The following BLZF1 variants were observed in gnomAD, a reference collection of about 807,000 sequenced individuals.
BLZF1 encodes the protein golgin-45.
A neutral mutation model predicts 43.8 loss-of-function variants in BLZF1; 39 were observed. The ratio of observed to expected loss-of-function variants is 0.89; its 90% CI spans 0.69 to 1.16. BLZF1 has a LOEUF of 1.16. Ranked by LOEUF, BLZF1 falls within the 50% of genes most tolerant of loss-of-function variation. The probability of loss-of-function intolerance (pLI) is 0.00; values close to 1 mark genes in which losing one functional copy is unlikely to be tolerated. For synonymous variants in BLZF1, 136 were observed against 159.4 expected (o/e 0.85, Z 1.11); for missense variants, 449 against 469.8 (o/e 0.96, Z 0.41).
intron 5 of BLZF1, among the ~76,000 whole-genome samples, chr1:169,381,201 G>A (rs568464464): frequency 6.6e-6 from 1 of 151,796 alleles, no homozygotes; most frequent in Admixed American, 6.6e-5. Flanking sequence ...ATGAAGGGGG[G>A]GGTACAATAT....
intron 6 of BLZF1, among the ~76,000 whole-genome samples, chr1:169,384,279 T>C (rs1418045010): frequency 6.6e-6 from 1 of 152,182 alleles, no homozygotes; most frequent in Non-Finnish European, 1.5e-5. Context: ...CTAGTCCTGT[T>C]GATTTTACAG....
chr1:169,394,139 G>A (rs1654892127), intron 7 of BLZF1, among the ~76,000 whole-genome samples: 1 of 152,114 alleles, frequency 6.6e-6, no homozygotes, highest in Non-Finnish European at 1.5e-5. Flanking sequence ...CAGTCTATGT[G>A]AACAAAATAT....
chr1:169,368,754 G>A (rs956823755), intron 1 of BLZF1, among the ~76,000 whole-genome samples: 4 of 152,072 alleles, frequency 2.6e-5, no homozygotes, highest in African/African-American at 9.7e-5. Flanking sequence ...GTTAGTCGTC[G>A]GGTTCACTAA....
At chr1:169,371,469 A>G (rs1034257183) in intron 2 of BLZF1, among the ~76,000 whole-genome samples, 3 of 152,218 alleles carry the variant, frequency 2.0e-5, no homozygotes, top group African/African-American at 4.8e-5. Context: ...TCTATTAGCC[A>G]TATTTCTATT....
At chr1:169,395,187 T>C (rs1654946295) in intron 7 of BLZF1, 2 of 1,611,748 alleles carry the variant, frequency 1.2e-6, no homozygotes, top group Non-Finnish European at 1.7e-6. Flanking sequence ...ATTTTTTCCA[T>C]CCGTTTCCTT....
chr1:169,395,133 G>A (rs1450289528), intron 7 of BLZF1: 2 of 1,613,602 alleles, frequency 1.2e-6, no homozygotes, highest in Admixed American at 3.3e-5. Flanking sequence ...TTAGCTTCTA[G>A]TCGGAGCTGT....
intron 2 of BLZF1, among the ~76,000 whole-genome samples, chr1:169,370,812 AATCT>A (rs1654095088): frequency 6.6e-6 from 1 of 152,198 alleles, no homozygotes; most frequent in South Asian, 2.1e-4. Context: ...ATGACTTCCA[AATCT>A]ATCTATATCC....
At chr1:169,368,528 C>A (rs1653984045) in intron 1 of BLZF1, among the ~76,000 whole-genome samples, 186 bp downstream of exon 1, 1 of 152,152 alleles carries the variant, frequency 6.6e-6, no homozygotes, top group South Asian at 2.1e-4. Context: ...CGCTTCCCGG[C>A]CTATCGCTTT....
In BLZF1 at chr1:169,376,902, G is replaced by A; in HGVS notation, c.391G>A (p.Glu131Lys). ...KELSEVKNVL[E>K]KLKNSERRLL... Reference sequence around the variant, plus strand: ...ACTCTCAGAGGTAAAGAATGTATTGGAAAAGCTCAAGAATTCTGAAAGAAG... The same window carrying A: ...ACTCTCAGAGGTAAAGAATGTATTGAAAAAGCTCAAGAATTCTGAAAGAAG... Residue 131 changes from glutamate to lysine, a missense_variant, in exon 3 of 7, where the codon GAA (glutamate) becomes AAA (lysine). Physicochemically the swap from Glu to Lys is moderately conservative, Grantham distance 56. Coordinates refer to ENST00000367808, the MANE Select transcript of BLZF1 (RefSeq NM_001320973.2). The A allele has an allele frequency of 5.0e-6, 8 of 1,613,218 alleles. No individual in the cohort carries two copies. The highest frequency in any genetic ancestry group is 2.2e-5 in the East Asian group (1 of 44,862).
downstream of BLZF1, among the ~76,000 whole-genome samples, chr1:169,392,671 ATG>A (rs1491564208): frequency 2.6e-5 from 4 of 152,082 alleles, no homozygotes. Context: ...GGGGATCTGG[ATG>A]GGGGGAAGTT....
chr1:169,373,848 T>G lies in BLZF1; in HGVS notation c.29-2692T>G, dbSNP rs532572983. 4.6e-5 allele frequency among the ~76,000 whole-genome samples: 7 copies of G among 152,288 alleles called. No homozygotes were observed. In the South Asian group the frequency reaches 1.4e-3, roughly 32 times the overall value. ...ATTCCAACTCAAAAATGTTACAGCT[T>G]GCCTAGAAATTTTATTTGACCATAA... On this transcript the variant is annotated intron_variant, in intron 2 of 6. Coordinates refer to ENST00000367808, the MANE Select transcript of BLZF1 (RefSeq NM_001320973.2).
chr1:169,369,094 A>G (rs553018297), intron 1 of BLZF1, among the ~76,000 whole-genome samples: 1 of 152,240 alleles, frequency 6.6e-6, no homozygotes, highest in Admixed American at 6.5e-5. Flanking sequence ...GTGTGTGTGT[A>G]TACAAATTGT....
At chr1:169,375,235 A>T (rs921558456) in intron 2 of BLZF1, among the ~76,000 whole-genome samples, 2 of 151,258 alleles carry the variant, frequency 1.3e-5, no homozygotes, top group African/African-American at 4.8e-5. Flanking sequence ...GCCATAAAAT[A>T]AAAAATATGT....
At position 169,395,136 on chromosome 1, in the gene BLZF1, G is replaced by A. The variant is rs1361435177; in HGVS notation, c.*28-758G>A. On this transcript the variant is annotated intron_variant, in intron 7 of 7. Coordinates refer to the BLZF1 transcript ENST00000329281. The stretch of plus-strand genomic sequence containing the variant: ...TGTTTAGAACGCTTAGCTTCTAGTC[G>A]GAGCTGTCTAGTTCTCTCTCTGACA... 7 of 1,613,374 alleles carry A rather than the reference G, an allele frequency of 4.3e-6. No individual in the cohort carries two copies. The Admixed American group carries it at 6.7e-5, about 15-fold the overall frequency.
chr1:169,381,692 T>C (rs1477695359), intron 5 of BLZF1, among the ~76,000 whole-genome samples: 1 of 152,110 alleles, frequency 6.6e-6, no homozygotes, highest in African/African-American at 2.4e-5. Flanking sequence ...CCAAGTAAAG[T>C]GAATCCCAGG....
intron 7 of BLZF1, among the ~76,000 whole-genome samples, chr1:169,394,005 A>T (rs879606999): frequency 5.3e-5 from 8 of 152,188 alleles, no homozygotes; most frequent in Admixed American, 4.6e-4. Flanking sequence ...ATGCTCTTAC[A>T]TGTATCAGAA....
chr1:169,392,470 C>A (rs1654837324), downstream of BLZF1, among the ~76,000 whole-genome samples: 1 of 152,168 alleles, frequency 6.6e-6, no homozygotes, highest in African/African-American at 2.4e-5. Context: ...TGACTTTCAA[C>A]AAATGATGCT....
In BLZF1 at chr1:169,376,614, G is replaced by C; in HGVS notation, c.103G>C (p.Val35Leu). 1.2e-6 allele frequency: 2 copies of C among 1,613,124 alleles called. No individual in the cohort carries two copies. The highest frequency in any genetic ancestry group is 1.7e-6 in the Non-Finnish European group (2 of 1,179,504). ...TGAGGAACCACCTAAATCTGTTGAA[G>C]TTACCTCCGGAGTCCAATCTAGAAA... is the stretch of plus-strand genomic sequence containing the variant. The part of the protein sequence containing the change: ...ETEEPPKSVE[V>L]TSGVQSRKHH... The change falls in exon 3 of 7, where the codon GTT becomes CTT. Residue 35 changes from valine (V) to leucine (L), a missense_variant. By Grantham distance (32) the Val-to-Leu change is conservative. Transcript: ENST00000367808.
intron 2 of BLZF1, among the ~76,000 whole-genome samples, chr1:169,375,116 G>A (rs1654256530): frequency 6.6e-6 from 1 of 151,596 alleles, no homozygotes; most frequent in Admixed American, 6.6e-5. Flanking sequence ...AGGCATAAAA[G>A]TGTTCAATAA....
Sources: allele counts gnomAD v4.1 joint callset (sites outside exome capture counted in the v4.1 genomes callset), GRCh38; gene constraint gnomAD v4.1.1; transcripts MANE v1.5; gene names NCBI Gene and HGNC (gene_info 2026-07-23, HGNC 2026-07-21).